IMMP2L: variants seen among roughly 807,000 people sequenced by gnomAD.
IMMP2L encodes mitochondrial inner membrane protease subunit 2.
IMMP2L carries 18 observed loss-of-function variants against 19.3 expected under a neutral mutation model. The ratio of observed to expected loss-of-function variants is 0.93; its 90% CI spans 0.64 to 1.38. The LOEUF is 1.38. Ranked by LOEUF, IMMP2L falls within the 40% of genes most tolerant of loss-of-function variation. The pLI is 0.00. For missense variants in IMMP2L, 233 were observed against 218.2 expected (o/e 1.07, Z -0.43); for synonymous variants, 76 against 73.0 (o/e 1.04, Z -0.21).
chr7:111,203,539 C>T (rs1810377678), intron 3 of IMMP2L, among the ~76,000 whole-genome samples: 1 of 145,730 alleles, frequency 6.9e-6, no homozygotes, highest in East Asian at 2.0e-4. Flanking sequence ...AAAGAGTAGC[C>T]TAGGGTAATA....
intron 3 of IMMP2L, among the ~76,000 whole-genome samples, chr7:111,041,120 T>C (rs2129570906): frequency 6.6e-6 from 1 of 152,294 alleles, no homozygotes; most frequent in East Asian, 1.9e-4. Context: ...TAGTGGCTAA[T>C]TCTTATGACC....
intron 5 of IMMP2L, among the ~76,000 whole-genome samples, chr7:110,861,970 C>T (rs1313495417): frequency 6.6e-6 from 1 of 151,884 alleles, no homozygotes; most frequent in East Asian, 1.9e-4. Flanking sequence ...AAATTATGTC[C>T]ACATGACCTG....
intron 5 of IMMP2L, among the ~76,000 whole-genome samples, chr7:110,793,623 A>C (rs920145345): frequency 6.6e-6 from 1 of 152,084 alleles, no homozygotes; most frequent in African/African-American, 2.4e-5. Flanking sequence ...AAAAAGTATA[A>C]AGCTGCAGTT....
intron 5 of IMMP2L, among the ~76,000 whole-genome samples, chr7:110,671,866 C>A (rs755429231): frequency 3.9e-5 from 6 of 151,954 alleles, no homozygotes; most frequent in Non-Finnish European, 7.4e-5. Context: ...AGACTGTTAG[C>A]GGGAGGAAAG....
intron 2 of IMMP2L, among the ~76,000 whole-genome samples, chr7:111,515,695 A>G (rs1193682589): frequency 3.3e-5 from 5 of 152,140 alleles, no homozygotes; most frequent in Non-Finnish European, 1.5e-5. Flanking sequence ...TTCATCTGCT[A>G]TATTTCCAGA....
intron 3 of IMMP2L, among the ~76,000 whole-genome samples, chr7:111,065,581 C>T (rs999887971): frequency 6.6e-6 from 1 of 152,138 alleles, no homozygotes; most frequent in Non-Finnish European, 1.5e-5. Context: ...TTTGGATGGG[C>T]ACCATCTAAT....
intron 3 of IMMP2L, among the ~76,000 whole-genome samples, chr7:111,017,012 T>C (rs973998461): frequency 3.0e-5 from 4 of 133,146 alleles, no homozygotes; most frequent in Non-Finnish European, 6.2e-5. Flanking sequence ...TATATAAACA[T>C]TATAGTCATT....
chr7:110,751,158 TAA>T (rs1282234270), intron 5 of IMMP2L, among the ~76,000 whole-genome samples: 1 of 149,696 alleles, frequency 6.7e-6, no homozygotes, highest in Non-Finnish European at 1.5e-5. Context: ...CGTCCCTCAC[TAA>T]GAGACTTAAA....
At chr7:110,868,812 T>C (rs993671040) in intron 5 of IMMP2L, among the ~76,000 whole-genome samples, 1 of 152,084 alleles carries the variant, frequency 6.6e-6, no homozygotes, top group African/African-American at 2.4e-5. Context: ...GTCTCCATTA[T>C]TCTTTCTACA....
rs1035068000 is a variant in IMMP2L, at chr7:110,870,775, T to A, written c.408+15818A>T. 6.6e-6 allele frequency among the ~76,000 whole-genome samples: 1 copy of A among 152,132 alleles called. No individual in the cohort carries two copies. The highest frequency in any genetic ancestry group is 1.5e-5 in the Non-Finnish European group (1 of 68,014). The stretch of plus-strand genomic sequence containing the variant: ...GGAAAGGGAAGAGATGGAGAGGCCA[T>A]ACAATGTGAGGGCCCTAAAGGCCAT... On this transcript the variant is annotated intron_variant, in intron 5 of 5. Transcript: ENST00000405709. This position sits in a 1 kb window ranked among gnomAD's most constrained non-coding sequence, Gnocchi z 4.2.
At chr7:111,510,348 C>T (rs1453584967) in intron 2 of IMMP2L, among the ~76,000 whole-genome samples, 2 of 152,246 alleles carry the variant, frequency 1.3e-5, no homozygotes, top group East Asian at 3.9e-4. Flanking sequence ...GTGTCCTCAA[C>T]TGGATCCTCT....
intron 3 of IMMP2L, among the ~76,000 whole-genome samples, chr7:111,199,527 C>T (rs1809877235): frequency 6.6e-6 from 1 of 152,076 alleles, no homozygotes; most frequent in Non-Finnish European, 1.5e-5. Context: ...AAAGAAAAGC[C>T]AATGGTAATC....
At chr7:110,938,826 A>C (rs890456697) in intron 4 of IMMP2L, among the ~76,000 whole-genome samples, 1 of 152,172 alleles carries the variant, frequency 6.6e-6, no homozygotes, top group African/African-American at 2.4e-5. Flanking sequence ...AGAAGATGAG[A>C]TAGCAGGGAG....
intron 3 of IMMP2L, among the ~76,000 whole-genome samples, chr7:111,025,647 C>T (rs1826730405): frequency 6.6e-6 from 1 of 152,156 alleles, no homozygotes; most frequent in South Asian, 2.1e-4. Context: ...AATTACAAGA[C>T]AGTCCTCTCT....
At chr7:111,370,046 T>C (rs893103902) in intron 3 of IMMP2L, among the ~76,000 whole-genome samples, 5 of 152,022 alleles carry the variant, frequency 3.3e-5, no homozygotes, top group African/African-American at 9.7e-5. Flanking sequence ...AGGTGACATA[T>C]TAAAATTTTA....
intron 5 of IMMP2L, among the ~76,000 whole-genome samples, chr7:110,846,161 G>C (rs1805638754): frequency 6.6e-6 from 1 of 152,034 alleles, no homozygotes; most frequent in Non-Finnish European, 1.5e-5. Context: ...TAATAATCTA[G>C]TAGTAATGTT....
intron 3 of IMMP2L, among the ~76,000 whole-genome samples, chr7:111,484,815 G>T (rs1236065005): frequency 6.6e-6 from 1 of 152,044 alleles, no homozygotes. Context: ...ATTAGGCAGG[G>T]TCTCACTGTC....
rs1801388873 is a variant in IMMP2L at position 110,803,315 on chromosome 7, G to C, written c.408+83278C>G. Among the ~76,000 whole-genome samples, 1 of 152,054 alleles carries C rather than the reference G, an allele frequency of 6.6e-6. No individual in the cohort carries two copies. The highest frequency in any genetic ancestry group is 1.5e-5 in the Non-Finnish European group (1 of 67,984). On this transcript the variant is annotated intron_variant, in intron 5 of 5. Coordinates refer to ENST00000405709, the MANE Select transcript of IMMP2L (RefSeq NM_032549.4). This position sits in a 1 kb window ranked among gnomAD's most constrained non-coding sequence, Gnocchi z 4.2. ...GAGTTGCAGAGCTTAGAGACAGCCAGTTGATGTCCACTTTGAATATCATCA... is the reference window on the plus strand; with the variant it reads ...GAGTTGCAGAGCTTAGAGACAGCCACTTGATGTCCACTTTGAATATCATCA...
chr7:111,007,092 A>G lies in IMMP2L; in HGVS notation c.240-43527T>C, dbSNP rs367630585. 2.7e-3 allele frequency among the ~76,000 whole-genome samples: 416 copies of G among 152,234 alleles called. 1 individual carries two copies. Among genetic ancestry groups the G allele is most frequent in the African/African-American group, 9.6e-3 (397 of 41,550 alleles). ...GGGTTTAATTGAATCACAGTTCTAC[A>G]TGGCTGGGGAGGCCTCAGGAAGCTT... On this transcript the variant is annotated intron_variant, in intron 3 of 5. Transcript: ENST00000405709.
Sources: gnomAD v4.1 joint callset for allele counts (sites outside exome capture counted in the v4.1 genomes callset) on GRCh38, gnomAD v4.1.1 for gene constraint, Gnocchi (gnomAD v3.1) non-coding constraint, MANE v1.5 for transcripts, NCBI Gene and HGNC (gene_info 2026-07-23, HGNC 2026-07-21) for gene names.